Variants in HLCS observed in about 807,000 individuals in gnomAD.
The protein encoded by HLCS is holocarboxylase synthetase.
A neutral mutation model predicts 75.0 loss-of-function variants in HLCS; 53 were observed. The ratio of observed to expected loss-of-function variants is 0.71; its 90% CI spans 0.57 to 0.89. The LOEUF (loss-of-function observed/expected upper bound fraction) is 0.89. Among genes scored for constraint, HLCS ranks in the 40% least tolerant of loss-of-function variants. The pLI is 0.00. For missense variants in HLCS, 966 were observed against 1,074.0 expected, an observed-to-expected ratio of 0.90 and a Z score of 1.41; for synonymous variants, 431 against 428.6, an observed-to-expected ratio of 1.01 and a Z score of -0.07.
chr21:36,869,248 C>G (rs551930787), intron 6 of HLCS, among the ~76,000 whole-genome samples: 2 of 152,110 alleles, frequency 1.3e-5, no homozygotes, highest in South Asian at 4.1e-4. Context: ...CCTCAGCCTC[C>G]GGAGTAGCTG....
At chr21:36,927,285 T>G (rs1402130096) in intron 5 of HLCS, among the ~76,000 whole-genome samples, 1 of 152,206 alleles carries the variant, frequency 6.6e-6, no homozygotes, top group Non-Finnish European at 1.5e-5. Flanking sequence ...CACACATGAC[T>G]GGGTTTTATA....
intron 6 of HLCS, among the ~76,000 whole-genome samples, chr21:36,813,933 ACACT>A (rs1041269150): frequency 6.6e-6 from 1 of 152,174 alleles, no homozygotes; most frequent in African/African-American, 2.4e-5. Flanking sequence ...AGAAATGGAA[ACACT>A]CACATGGAGA....
chr21:36,823,796 T>G (rs1409887207), intron 6 of HLCS, among the ~76,000 whole-genome samples: 1 of 152,182 alleles, frequency 6.6e-6, no homozygotes, highest in Non-Finnish European at 1.5e-5. Context: ...TTCTCTGCAT[T>G]AGAGCTACAT....
At chr21:36,818,030 T>C (rs1316936622) in intron 6 of HLCS, among the ~76,000 whole-genome samples, 2 of 152,212 alleles carry the variant, frequency 1.3e-5, no homozygotes, top group Non-Finnish European at 2.9e-5. Flanking sequence ...AATCAATCCT[T>C]TGCGGATTAA....
intron 5 of HLCS, among the ~76,000 whole-genome samples, chr21:36,917,248 A>C (rs1323351331): frequency 6.6e-6 from 1 of 152,244 alleles, no homozygotes. Context: ...AAAGAATCAA[A>C]AAGCAAAACA....
chr21:36,832,934 A>G (rs2062263997), intron 6 of HLCS, among the ~76,000 whole-genome samples: 1 of 152,150 alleles, frequency 6.6e-6, no homozygotes, highest in Non-Finnish European at 1.5e-5. Flanking sequence ...TGCTTAGACA[A>G]CTAAGGAGAA....
rs781718871 is a variant in HLCS at position 36,765,140 on chromosome 21, C to T, written c.1993G>A (p.Gly665Arg). Residue 665 changes from glycine (G) to arginine (R), a missense_variant, in exon 8 of 11, where the codon GGA becomes AGA. Physicochemically the swap from Gly to Arg is moderately radical, Grantham distance 125. Transcript: ENST00000674895. ...ATGAGCAGAGTAGAAAGAGCACATC[C>T]CACAGGGCTCAGCCACACATTCCCT... The part of the protein sequence containing the change: ...RGGNVWLSPV[G>R]CALSTLLISI... 4 of 1,614,066 alleles carry T rather than the reference C, an allele frequency of 2.5e-6. No individual in the cohort carries two copies. Among genetic ancestry groups the T allele is most frequent in the Admixed American group, 3.3e-5 (2 of 60,002 alleles).
At chr21:36,880,043 C>G (rs955533581) in intron 6 of HLCS, among the ~76,000 whole-genome samples, 4 of 152,166 alleles carry the variant, frequency 2.6e-5, no homozygotes, top group African/African-American at 9.7e-5. Context: ...CCCTGAGGTG[C>G]CTGCCAGAGT....
intron 6 of HLCS, among the ~76,000 whole-genome samples, chr21:36,777,485 T>C (rs1156273565): frequency 6.6e-6 from 1 of 152,282 alleles, no homozygotes; most frequent in African/African-American, 2.4e-5. Context: ...ATTCAAATTG[T>C]GTCCATTGTC....
chr21:36,814,034 T>C (rs1029247), intron 6 of HLCS, among the ~76,000 whole-genome samples: 9,022 of 152,154 alleles, frequency 0.059, 906 homozygotes, highest in African/African-American at 0.21. Flanking sequence ...GCTAGGTCAG[T>C]GTGGGTTTCC....
intron 6 of HLCS, among the ~76,000 whole-genome samples, chr21:36,832,776 A>G (rs761185121): frequency 6.6e-6 from 1 of 152,186 alleles, no homozygotes; most frequent in Non-Finnish European, 1.5e-5. Context: ...ATGCTAATTC[A>G]AGAGTCAGTA....
chr21:36,768,986 G>A (rs376856707), intron 6 of HLCS, among the ~76,000 whole-genome samples: 3 of 152,264 alleles, frequency 2.0e-5, no homozygotes, highest in East Asian at 1.9e-4. Flanking sequence ...ATGATTTAGC[G>A]TGTTGTGAGC....
At chr21:36,807,344 A>G (rs917030125) in intron 6 of HLCS, among the ~76,000 whole-genome samples, 2 of 152,180 alleles carry the variant, frequency 1.3e-5, no homozygotes, top group Non-Finnish European at 2.9e-5. Context: ...GGGAGGCCAC[A>G]TGCTAGGCCA....
intron 5 of HLCS, among the ~76,000 whole-genome samples, chr21:36,900,015 G>A (rs2065170877): frequency 6.6e-6 from 1 of 151,266 alleles, no homozygotes; most frequent in Non-Finnish European, 1.5e-5. Flanking sequence ...TGAGGCACAA[G>A]AATCACTTGA....
chr21:36,971,149 G>T (rs13049080), upstream of HLCS, among the ~76,000 whole-genome samples: 2 of 151,994 alleles, frequency 1.3e-5, no homozygotes, highest in Non-Finnish European at 2.9e-5. Flanking sequence ...ACAATATTTA[G>T]AGCATCAAAA....
At chr21:36,803,645 A>G (rs529536065) in intron 6 of HLCS, among the ~76,000 whole-genome samples, 4 of 152,184 alleles carry the variant, frequency 2.6e-5, no homozygotes, top group Admixed American at 2.0e-4. Flanking sequence ...TTTTCTCTAC[A>G]TGAATCATTT....
In HLCS at chr21:36,930,301, T is replaced by C; in HGVS notation, c.1570A>G (p.Met524Val). The stretch of plus-strand genomic sequence containing the variant: ...GGAGTTAAGGCAGGAACTTGTTTCA[T>C]GTCACAGCTGAGGCCAAGGGTTGTC... ...ILTTLGLSCD[M>V]KQVPALTPLY... Residue 524 changes from methionine (M) to valine (V), a missense_variant, in exon 5 of 11, where the codon ATG becomes GTG. By Grantham distance (21) the Met-to-Val change is conservative (BLOSUM62 1). Transcript: ENST00000674895. 6.2e-7 allele frequency: 1 copy of C among 1,614,186 alleles called. No individual in the cohort carries two copies. Among genetic ancestry groups the C allele is most frequent in the Non-Finnish European group, 8.5e-7 (1 of 1,180,026 alleles).
intron 10 of HLCS, among the ~76,000 whole-genome samples, chr21:36,754,840 G>C (rs1419582190): frequency 6.6e-6 from 1 of 152,194 alleles, no homozygotes; most frequent in Admixed American, 6.5e-5. Flanking sequence ...TCAGCCACAA[G>C]TGAAACTCAT....
chr21:36,824,681 G>A (rs577287383), intron 6 of HLCS, among the ~76,000 whole-genome samples: 5 of 152,200 alleles, frequency 3.3e-5, no homozygotes, highest in Non-Finnish European at 4.4e-5. Context: ...GTCCATACAC[G>A]GTACAGACTT....
Sources: allele counts gnomAD v4.1 joint callset (sites outside exome capture counted in the v4.1 genomes callset), GRCh38; gene constraint gnomAD v4.1.1; transcripts MANE v1.5; gene names NCBI Gene and HGNC (gene_info 2026-07-23, HGNC 2026-07-21).